Variants in LGMN observed in about 807,000 individuals in gnomAD.
The protein encoded by LGMN is asparaginyl endopeptidase.
In LGMN, 36 loss-of-function variants were observed where a neutral mutation model predicts 56.8. The ratio of observed to expected loss-of-function variants is 0.63; its 90% confidence interval spans 0.49 to 0.84. LGMN has a LOEUF of 0.84. Among genes scored for constraint, LGMN ranks in the 40% least tolerant of loss-of-function variants. LGMN has a pLI of 0.00. For missense variants in LGMN, 446 were observed against 556.1 expected, an observed-to-expected ratio of 0.80 and a Z score of 1.99; for synonymous variants, 199 against 210.1, an observed-to-expected ratio of 0.95 and a Z score of 0.46.
chr14:92,730,698 AC>A (rs1886661469), intron 2 of LGMN, among the ~76,000 whole-genome samples: 1 of 152,208 alleles, frequency 6.6e-6, no homozygotes, highest in South Asian at 2.1e-4. Context: ...TAATCCCAGC[AC>A]TTTGGGAGGC....
At position 92,704,699 on chromosome 14, in the gene LGMN, A is replaced by G. The variant is rs761371253; in HGVS notation, c.1200T>C (p.Tyr400=). 1.9e-6 allele frequency: 3 copies of G among 1,613,122 alleles called. No individual in the cohort carries two copies. Among genetic ancestry groups the G allele is most frequent in the South Asian group, 1.1e-5 (1 of 91,056 alleles). ...CFNWHSPTYE[Y]ALRHLYVLVN... ...CCAGCACGTACAAATGTCTCAACGC[A>G]TACTCGTACTGGGAGAAAACAAACG... The change falls in exon 13 of 14, where the codon TAT becomes TAC. Residue 400 remains tyrosine, a synonymous_variant. Transcript: ENST00000334869.
intron 1 of LGMN, among the ~76,000 whole-genome samples, chr14:92,735,197 C>G (rs1440810438): frequency 6.6e-6 from 1 of 152,036 alleles, no homozygotes; most frequent in Non-Finnish European, 1.5e-5. Context: ...AGGCCTGGGG[C>G]AGGGCCTGAG....
At chr14:92,706,788 A>G (rs1889454687) in intron 11 of LGMN, 135 bp from the exon 12 acceptor site, 1 of 734,706 alleles carries the variant, frequency 1.4e-6, no homozygotes, top group African/African-American at 1.8e-5. Flanking sequence ...GGAAATAACA[A>G]TCAATGTGCT....
chr14:92,704,607 C>T lies in LGMN; in HGVS notation c.1259+33G>A, dbSNP rs200673278. 114 of 1,566,754 alleles carry T rather than the reference C, an allele frequency of 7.3e-5. 8 individuals are homozygous for T. Among genetic ancestry groups the T allele is most frequent in the Admixed American group, 5.0e-5 (3 of 59,786 alleles). On this transcript the variant is annotated intron_variant, in intron 13 of 13. Transcript: ENST00000334869. ...GCCCCTTCTGCTTTCAGAATGACATCGACCTTTCAAGCGTCACCGCTGCAT... is the reference window on the plus strand; with the variant it reads ...GCCCCTTCTGCTTTCAGAATGACATTGACCTTTCAAGCGTCACCGCTGCAT...
At chr14:92,716,264 C>T in intron 4 of LGMN, 43 bp from the exon 5 acceptor site, 1 of 1,437,438 alleles carries the variant, frequency 7.0e-7, no homozygotes, top group East Asian at 2.3e-5. Flanking sequence ...GCTGTCGCTC[C>T]AACCCAGAGA....
intron 10 of LGMN, among the ~76,000 whole-genome samples, chr14:92,710,652 T>C (rs998384057): frequency 6.6e-6 from 1 of 152,226 alleles, no homozygotes; most frequent in Non-Finnish European, 1.5e-5. Flanking sequence ...ACACAGAGTT[T>C]GGAGAAGATC....
intron 1 of LGMN, among the ~76,000 whole-genome samples, chr14:92,743,914 G>T (rs748592664): frequency 7.9e-5 from 12 of 152,062 alleles, no homozygotes; most frequent in Non-Finnish European, 1.6e-4. Flanking sequence ...CCAGCACTTG[G>T]AAAGGTTGAG....
At chr14:92,727,259 G>A (rs966655658) in intron 2 of LGMN, among the ~76,000 whole-genome samples, 3 of 151,746 alleles carry the variant, frequency 2.0e-5, no homozygotes, top group African/African-American at 4.8e-5. Context: ...GCAAAACCCC[G>A]TCTCTACTAA....
In LGMN at chr14:92,718,862, G is replaced by T. The variant is rs1377279986; in HGVS notation, c.139-18C>A. On this transcript the variant is annotated intron_variant, in intron 2 of 13. Coordinates refer to ENST00000334869, the MANE Select transcript of LGMN (RefSeq NM_005606.7). ...GCGTCTGCCTGGGAGAAATGATTTGGTGAAGTTTTAGATCTTGCCTGGGAG... is the reference window on the plus strand; with the variant it reads ...GCGTCTGCCTGGGAGAAATGATTTGTTGAAGTTTTAGATCTTGCCTGGGAG... The T allele has an allele frequency of 2.5e-6, 4 of 1,603,750 alleles. No homozygotes were observed. The highest frequency in any genetic ancestry group is 3.4e-6 in the Non-Finnish European group (4 of 1,171,140).
rs1461472358 is a variant in LGMN at position 92,714,599 on chromosome 14, CGGTGTCT to C, written c.405-155_405-149del. The C allele has an allele frequency of 1.6e-6, 1 of 623,750 alleles. No individual in the cohort carries two copies. The highest frequency in any genetic ancestry group is 1.8e-5 in the African/African-American group (1 of 54,168). The allele number at this position is 623,750 out of a possible 1,614,324, so 38.6% of individuals were successfully genotyped here. A position where few individuals can be genotyped will look rare whatever the true frequency, so the allele number is the denominator to read the frequency against. On this transcript the variant is annotated intron_variant, in intron 5 of 13. Coordinates refer to ENST00000334869, the MANE Select transcript of LGMN (RefSeq NM_005606.7). This position sits in a 1 kb window ranked among gnomAD's most constrained non-coding sequence, Gnocchi z 5.1. ...AAGATGAACACAAGGGCCCGGTGCC[CGGTGTCT>C]GGCCTGTCCCCTCCACTCCCCTTGG...
In LGMN at chr14:92,714,276, T is replaced by C. The variant is rs1889951144; in HGVS notation, c.480+100A>G. On this transcript the variant is annotated intron_variant, in intron 6 of 13. Coordinates refer to ENST00000334869, the MANE Select transcript of LGMN (RefSeq NM_005606.7). This position sits in a 1 kb window ranked among gnomAD's most constrained non-coding sequence, Gnocchi z 5.1. ...ACCCACCACACGTACAAACCAACCC[T>C]GGCAGGACACTAGAAAATACACGCT... 1.2e-6 allele frequency: 1 copy of C among 824,312 alleles called. No individual in the cohort carries two copies. The highest frequency in any genetic ancestry group is 2.0e-6 in the Non-Finnish European group (1 of 495,966). 51.1% of individuals were successfully genotyped at this position (824,312 alleles called of 1,614,324 possible). A position where few individuals can be genotyped will look rare whatever the true frequency, so the allele number is the denominator to read the frequency against.
intron 2 of LGMN, among the ~76,000 whole-genome samples, chr14:92,727,204 C>T (rs1374057803): frequency 5.3e-5 from 8 of 151,596 alleles, no homozygotes; most frequent in Non-Finnish European, 1.0e-4. Context: ...CTGAGGCGGG[C>T]AGATCACTTG....
intron 2 of LGMN, among the ~76,000 whole-genome samples, chr14:92,723,389 T>C (rs982403556): frequency 3.3e-5 from 5 of 152,118 alleles, no homozygotes; most frequent in African/African-American, 1.2e-4. Context: ...AACAAAAAAA[T>C]GTATTCACAC....
intron 2 of LGMN, among the ~76,000 whole-genome samples, chr14:92,725,381 T>G (rs1890690058): frequency 6.6e-6 from 1 of 152,008 alleles, no homozygotes; most frequent in South Asian, 2.1e-4. Flanking sequence ...AGACTTCATC[T>G]CTATAAAAAA....
chr14:92,741,403 G>A (rs1261015750), intron 1 of LGMN: 1 of 152,090 alleles, frequency 6.6e-6, no homozygotes, highest in African/African-American at 2.4e-5. Flanking sequence ...CCACCATCAG[G>A]AGTGACCCCT....
In LGMN at chr14:92,704,745, T is replaced by A. The variant is rs1889340452; in HGVS notation, c.1192-38A>T. 9 of 1,518,716 alleles carry A rather than the reference T, an allele frequency of 5.9e-6. No individual in the cohort carries two copies. The East Asian group carries it at 2.0e-4, about 34-fold the overall frequency. The allele number at this position is 1,518,716 out of a possible 1,614,324, so 94.1% of individuals were successfully genotyped here. A position where few individuals can be genotyped will look rare whatever the true frequency, so the allele number is the denominator to read the frequency against. ...AAACGAGAAGAATGAAACTTCCTCA[T>A]CTCACCACACAATCCACTCCACTTT... On this transcript the variant is annotated intron_variant, in intron 12 of 13. Coordinates refer to ENST00000334869, the MANE Select transcript of LGMN (RefSeq NM_005606.7).
intron 11 of LGMN, among the ~76,000 whole-genome samples, chr14:92,709,426 C>T (rs1595527177): frequency 1.3e-5 from 2 of 152,316 alleles, no homozygotes; most frequent in African/African-American, 2.4e-5. Flanking sequence ...TGGTACGATA[C>T]AGGGGAGATA....
intron 2 of LGMN, 125 bp downstream of exon 2, chr14:92,732,524 T>C (rs1891101496): frequency 1.9e-6 from 2 of 1,065,300 alleles, no homozygotes; most frequent in Non-Finnish European, 2.7e-6. Context: ...CACACCTATG[T>C]TACAGCCAGC....
intron 1 of LGMN, among the ~76,000 whole-genome samples, chr14:92,735,169 G>A (rs1180508537): frequency 1.3e-5 from 2 of 152,144 alleles, no homozygotes; most frequent in Non-Finnish European, 2.9e-5. Flanking sequence ...GGATCTAGGA[G>A]GCAGATTCTG....
Sources: allele counts gnomAD v4.1 joint callset (sites outside exome capture counted in the v4.1 genomes callset), GRCh38; gene constraint gnomAD v4.1.1; non-coding constraint Gnocchi (gnomAD v3.1); transcripts MANE v1.5; gene names NCBI Gene and HGNC (gene_info 2026-07-23, HGNC 2026-07-21).